Variants in NUMA1 observed in about 807,000 individuals in gnomAD.
NUMA1 encodes the protein SP-H antigen.
In NUMA1, 62 loss-of-function variants were observed where a neutral mutation model predicts 237.1. The ratio of observed to expected loss-of-function variants is 0.26; its 90% confidence interval spans 0.21 to 0.32. NUMA1 has a LOEUF of 0.32. Ranked by LOEUF, NUMA1 falls within the 10% of genes least tolerant of loss-of-function variation. NUMA1 has a pLI of 1.00. For synonymous variants in NUMA1, 1,028 were observed against 1,066.1 expected (o/e 0.96, Z 0.70); for missense variants, 2,533 against 2,666.5 (o/e 0.95, Z 1.10).
At chr11:72,053,113 T>C (rs556573736) in intron 2 of NUMA1, among the ~76,000 whole-genome samples, 1 of 152,308 alleles carries the variant, frequency 6.6e-6, no homozygotes, top group Non-Finnish European at 1.5e-5. Flanking sequence ...GGAATAATAA[T>C]AGTACTTTAT....
chr11:72,010,935 T>G, intron 16 of NUMA1, 81 bp from the exon 17 acceptor site: 1 of 1,248,704 alleles, frequency 8.0e-7, no homozygotes, highest in Non-Finnish European at 1.2e-6. Context: ...ATCATGGGGT[T>G]TCCCAGACCA....
At position 72,058,149 on chromosome 11, in the gene NUMA1, T is replaced by C. The variant is rs148100884; in HGVS notation, c.-33+11693A>G. Among the ~76,000 whole-genome samples, 8 of 152,352 alleles carry C rather than the reference T, an allele frequency of 5.3e-5. No homozygotes were observed. The East Asian group carries it at 1.5e-3, about 29-fold the overall frequency. ...CATTTCTTGCTTATACAAGTTTGTT[T>C]TCCTTGTTCTTCAAAACCAGTGAAG... On this transcript the variant is annotated intron_variant, in intron 2 of 26. Coordinates refer to ENST00000393695, the MANE Select transcript of NUMA1 (RefSeq NM_006185.4).
chr11:72,021,929 A>G (rs1673289009), intron 7 of NUMA1, among the ~76,000 whole-genome samples: 1 of 152,188 alleles, frequency 6.6e-6, no homozygotes. Flanking sequence ...GCTTTTATAT[A>G]TAACTATGTT....
At chr11:72,064,042 T>C (rs944411777) in intron 2 of NUMA1, among the ~76,000 whole-genome samples, 9 of 151,832 alleles carry the variant, frequency 5.9e-5, no homozygotes, top group Non-Finnish European at 1.5e-5. Context: ...CAAAGATATA[T>C]GGACATTAAT....
At chr11:72,018,104 TCTC>T (rs1938151200) in intron 12 of NUMA1, 76 bp downstream of exon 12, 1 of 1,099,432 alleles carries the variant, frequency 9.1e-7, no homozygotes, top group African/African-American at 1.5e-5. Flanking sequence ...GGGACATTCT[TCTC>T]AACCCTCTCT....
Position 72,014,595 on chromosome 11 carries a change from T to G in NUMA1, c.2908A>C (p.Met970Leu). 1.2e-6 allele frequency: 2 copies of G among 1,606,310 alleles called. No individual in the cohort carries two copies. Among genetic ancestry groups the G allele is most frequent in the South Asian group, 1.1e-5 (1 of 91,086 alleles). ...FCSTQAALQA[M>L]EREAEQMGNE... ...CCCATCTGCTCTGCCTCCCGCTCCATAGCCTGCAGCGCTGCCTGTGTGCTG... is the reference window on the plus strand; with the variant it reads ...CCCATCTGCTCTGCCTCCCGCTCCAGAGCCTGCAGCGCTGCCTGTGTGCTG... Residue 970 changes from methionine to leucine, a missense_variant, in exon 15 of 27, where the codon ATG becomes CTG. Met to Leu is a conservative substitution (Grantham distance 15). Transcript: ENST00000393695. The surrounding 1 kb of genome is among the most constrained non-coding windows in gnomAD (Gnocchi z 4.6).
chr11:72,036,048 G>T, intron 2 of NUMA1, 73 bp from the exon 3 acceptor site: 1 of 1,185,256 alleles, frequency 8.4e-7, no homozygotes, highest in Non-Finnish European at 1.3e-6. Flanking sequence ...AGGCGAAATG[G>T]TTCAATTTGC....
Position 72,018,272 on chromosome 11 carries a change from T to G in NUMA1, c.889A>C (p.Lys297Gln). 1 of 1,614,126 alleles carries G rather than the reference T, an allele frequency of 6.2e-7. No homozygotes were observed. Among genetic ancestry groups the G allele is most frequent in the South Asian group, 1.1e-5 (1 of 91,080 alleles). The change falls in exon 12 of 27, where the codon AAG becomes CAG. Residue 297 changes from lysine to glutamine, a missense_variant. Physicochemically the swap from Lys to Gln is moderately conservative, Grantham distance 53 (BLOSUM62 1). Around this residue, in one of 3 missense-constraint regions of NUMA1, gnomAD observed 1,414 missense variants for 1,508.1 expected, o/e 0.94. Transcript: ENST00000393695. ...SLTMRLHETL[K>Q]QCQDLKTEKS... ...TCTGTCTTCAGGTCCTGGCACTGCTTCAGGGTTTCATGCAGCCGCATGGTA... is the reference window on the plus strand; with the variant it reads ...TCTGTCTTCAGGTCCTGGCACTGCTGCAGGGTTTCATGCAGCCGCATGGTA...
intron 2 of NUMA1, among the ~76,000 whole-genome samples, chr11:72,069,101 T>C (rs780172810): frequency 1.3e-5 from 2 of 152,108 alleles, no homozygotes; most frequent in Non-Finnish European, 2.9e-5. Flanking sequence ...TTTGAAGGGG[T>C]CAAACTTAAA....
chr11:72,008,958 A>T lies in NUMA1; in HGVS notation c.5058+9T>A, dbSNP rs775071367. The T allele has an allele frequency of 7.4e-6, 12 of 1,613,750 alleles. No individual in the cohort carries two copies. In the South Asian group the frequency reaches 1.3e-4, roughly 18 times the overall value. On this transcript the variant is annotated intron_variant, in intron 19 of 26. Transcript: ENST00000393695. Reference sequence around the variant, plus strand: ...AGGAGTGAGGTGAGTCTGCCAGCCAAATTCTTACCTGTGCCTCCAGGCTGC... The same window carrying T: ...AGGAGTGAGGTGAGTCTGCCAGCCATATTCTTACCTGTGCCTCCAGGCTGC...
chr11:72,018,694 G>C (rs1938278761), intron 10 of NUMA1, 129 bp downstream of exon 10: 2 of 1,220,300 alleles, frequency 1.6e-6, no homozygotes, highest in East Asian at 4.7e-5. Context: ...CTTCCAGGAG[G>C]TCAGCCTGAC....
intron 1 of NUMA1, among the ~76,000 whole-genome samples, chr11:72,077,251 A>C (rs1419236662): frequency 6.6e-6 from 1 of 152,214 alleles, no homozygotes; most frequent in East Asian, 1.9e-4. Flanking sequence ...ATGAAATTTC[A>C]GATTAAGGAA....
chr11:72,004,122 C>T (rs776933542), intron 25 of NUMA1, 23 bp from the exon 26 acceptor site: 10 of 1,612,506 alleles, frequency 6.2e-6, no homozygotes, highest in Admixed American at 1.7e-5. Flanking sequence ...GCTGTCAGAC[C>T]GGGAGACCCA....
In NUMA1 at chr11:72,014,002, C is replaced by A; in HGVS notation, c.3501G>T (p.Leu1167=). The A allele has an allele frequency of 6.2e-7, 1 of 1,612,274 alleles. No homozygotes were observed. The highest frequency in any genetic ancestry group is 8.5e-7 in the Non-Finnish European group (1 of 1,179,990). ...GGGCCTTCTCCTCTAACTGGCCCTG[C>A]AGAGTCTCCAGAGCACTGTCCCGCT... ...RAERDSALET[L]QGQLEEKAQE... Residue 1167 remains leucine (L), a synonymous_variant, in exon 15 of 27, where the codon CTG becomes CTT. Transcript: ENST00000393695. The surrounding 1 kb of genome is among the most constrained non-coding windows in gnomAD (Gnocchi z 4.6).
Position 72,013,797 on chromosome 11 carries a change from T to C in NUMA1, c.3706A>G (p.Ile1236Val). The C allele has an allele frequency of 6.2e-7, 1 of 1,610,524 alleles. No individual in the cohort carries two copies. Among genetic ancestry groups the C allele is most frequent in the East Asian group, 2.2e-5 (1 of 44,874 alleles). The change falls in exon 15 of 27, where the codon ATC becomes GTC. Residue 1236 changes from isoleucine (I) to valine (V), a missense_variant. Ile to Val is a conservative substitution (Grantham distance 29). Transcript: ENST00000393695. The surrounding 1 kb of genome is among the most constrained non-coding windows in gnomAD (Gnocchi z 6.8). Reference protein sequence around the residue: ...LISSLEEEVSILNRQVLEKEG... With the variant: ...LISSLEEEVSVLNRQVLEKEG... ...TTCTCCAGGACCTGGCGATTCAGGA[T>C]GGACACCTCCTCCTCCAAGCTGCTG...
chr11:72,053,746 T>C (rs1213996705), intron 2 of NUMA1, among the ~76,000 whole-genome samples: 1 of 152,190 alleles, frequency 6.6e-6, no homozygotes, highest in Non-Finnish European at 1.5e-5. Context: ...CCAATTACAG[T>C]AGGCCCTCTG....
rs138997269 is a variant in NUMA1, at chr11:72,010,623, C to G, written c.4719+163G>C. ...ACCCTGGTTGTCTCTCGAGAGCTCC[C>G]AGAAGACACATGCAGGGGCTTCTAA... On this transcript the variant is annotated intron_variant, in intron 17 of 26. Coordinates refer to ENST00000393695, the MANE Select transcript of NUMA1 (RefSeq NM_006185.4). 1.4e-3 allele frequency among the ~76,000 whole-genome samples: 208 copies of G among 152,298 alleles called. 1 individual carries two copies. The East Asian group carries it at 0.037, about 27-fold the overall frequency.
Position 72,014,311 on chromosome 11 carries a change from C to T in NUMA1, c.3192G>A (p.Gln1064=), listed in dbSNP as rs138096891. The stretch of plus-strand genomic sequence containing the variant: ...CCAGACCACGAAGCTTGGCCAACTC[C>T]TGGTCCTTGCCTTCCTTTTCCGTCA... The part of the protein sequence containing the change: ...HALTEKEGKD[Q]ELAKLRGLEA... Residue 1064 remains glutamine (Q), a synonymous_variant, in exon 15 of 27, where the codon CAG becomes CAA. Transcript: ENST00000393695. The surrounding 1 kb of genome is among the most constrained non-coding windows in gnomAD (Gnocchi z 4.6). 2.1e-5 allele frequency: 34 copies of T among 1,613,808 alleles called. No homozygotes were observed. The highest frequency in any genetic ancestry group is 2.5e-5 in the Non-Finnish European group (30 of 1,180,054).
Position 72,015,433 on chromosome 11 carries a change from T to G in NUMA1, c.2070A>C (p.Lys690Asn), listed in dbSNP as rs755860912. The G allele has an allele frequency of 1.2e-6, 2 of 1,612,044 alleles. No individual in the cohort carries two copies. Among genetic ancestry groups the G allele is most frequent in the East Asian group, 2.2e-5 (1 of 44,884 alleles). The change falls in exon 15 of 27, where the codon AAA becomes AAC. Residue 690 changes from lysine to asparagine, a missense_variant. By Grantham distance (94) the Lys-to-Asn change is moderately conservative. Around this residue, in one of 3 missense-constraint regions of NUMA1, gnomAD observed 1,414 missense variants for 1,508.1 expected, o/e 0.94. Transcript: ENST00000393695. The surrounding 1 kb of genome is among the most constrained non-coding windows in gnomAD (Gnocchi z 4.0). Reference protein sequence around the residue: ...LRSEQQKATEKERVAQEKDQL... With the variant: ...LRSEQQKATENERVAQEKDQL... ...GGTCCTTCTCCTGGGCCACCCTTTC[T>G]TTCTCAGTTGCTTTTTGCTGCTCAG...
Sources: gnomAD v4.1 joint callset for allele counts (sites outside exome capture counted in the v4.1 genomes callset) on GRCh38, gnomAD v4.1.1 for gene constraint, gnomAD v4.1.1 regional missense constraint, Gnocchi (gnomAD v3.1) non-coding constraint, MANE v1.5 for transcripts, NCBI Gene and HGNC (gene_info 2026-07-23, HGNC 2026-07-21) for gene names.